Variants in RYR3 observed in about 807,000 individuals in gnomAD.
The protein encoded by RYR3 is brain ryanodine receptor-calcium release channel.
Under a neutral mutation model 584.3 loss-of-function variants are expected in RYR3, and 207 were observed. The observed-to-expected ratio is 0.35, with a 90% CI of 0.32 to 0.40. The LOEUF is 0.40. RYR3 is among the 10% of genes least tolerant of loss of function. RYR3 has a pLI of 1.00. For missense variants in RYR3, 5,616 were observed against 6,089.2 expected, an observed-to-expected ratio of 0.92 and a Z score of 2.59; for synonymous variants, 2,416 against 2,248.5, an observed-to-expected ratio of 1.07 and a Z score of -2.11.
chr15:33,645,107 A>C (rs769710720), intron 28 of RYR3, among the ~76,000 whole-genome samples: 2 of 152,198 alleles, frequency 1.3e-5, no homozygotes, highest in Non-Finnish European at 2.9e-5. Flanking sequence ...CCCACTCATG[A>C]CTTGATGTCT....
chr15:33,646,605 C>A, intron 29 of RYR3, 79 bp downstream of exon 29: 1 of 1,306,754 alleles, frequency 7.7e-7, no homozygotes, highest in Non-Finnish European at 1.1e-6. Flanking sequence ...TACCCTAACT[C>A]AGCATAGGAA....
intron 99 of RYR3, chr15:33,859,179 GTGGA>G (rs796843190): frequency 4.1e-5 from 7 of 168,782 alleles, no homozygotes; most frequent in African/African-American, 1.7e-4. Flanking sequence ...TAAGGGGAAT[GTGGA>G]TGAAGAAGAG....
chr15:33,609,350 G>T (rs762362792), intron 18 of RYR3, among the ~76,000 whole-genome samples: 1 of 152,144 alleles, frequency 6.6e-6, no homozygotes, highest in Non-Finnish European at 1.5e-5. Context: ...GGGAGGATCA[G>T]TTGAGGCCAG....
chr15:33,584,328 TTTCCAAG>T (rs2058736552), intron 14 of RYR3, 60 bp from the exon 15 acceptor site: 1 of 819,056 alleles, frequency 1.2e-6, no homozygotes, highest in African/African-American at 1.7e-5. Context: ...ATTCGACAGC[TTTCCAAG>T]TTCTCACGCC....
intron 38 of RYR3, among the ~76,000 whole-genome samples, chr15:33,695,872 A>G (rs984425486): frequency 6.8e-6 from 1 of 147,396 alleles, no homozygotes; most frequent in African/African-American, 2.5e-5. Context: ...CGCACCCTCA[A>G]CCTCCAAGGC....
intron 42 of RYR3, among the ~76,000 whole-genome samples, chr15:33,705,104 T>G (rs1035192974): frequency 1.1e-4 from 3 of 28,374 alleles, no homozygotes; most frequent in Non-Finnish European, 1.9e-4. Context: ...ACACTCTTTC[T>G]CTCTCTCTCT....
chr15:33,708,864 A>C (rs2066901866), intron 43 of RYR3, among the ~76,000 whole-genome samples: 1 of 152,102 alleles, frequency 6.6e-6, no homozygotes, highest in Admixed American at 6.5e-5. Context: ...TCGTTCCCCT[A>C]TTGGCTAGGG....
At chr15:33,837,088 C>A in intron 88 of RYR3, 101 bp downstream of exon 88, 1 of 967,314 alleles carries the variant, frequency 1.0e-6, no homozygotes, top group Non-Finnish European at 1.6e-6. Flanking sequence ...GTCACTGATG[C>A]CATATGACAT....
chr15:33,864,100 T>A (rs762080268), intron 102 of RYR3, 38 bp from the exon 103 acceptor site: 4 of 1,529,570 alleles, frequency 2.6e-6, no homozygotes, highest in Non-Finnish European at 3.6e-6. Flanking sequence ...ACTTGGGTCT[T>A]GACCAGAGTA....
chr15:33,596,075 C>CAAAAA (rs56312785), intron 16 of RYR3, among the ~76,000 whole-genome samples: 1 of 146,636 alleles, frequency 6.8e-6, no homozygotes, highest in Non-Finnish European at 1.5e-5. Context: ...TTTTTCACCT[C>CAAAAA]AAAAAAAAAA....
intron 65 of RYR3, among the ~76,000 whole-genome samples, chr15:33,783,244 G>C (rs891326505): frequency 3.3e-5 from 5 of 152,190 alleles, no homozygotes; most frequent in Non-Finnish European, 7.3e-5. Flanking sequence ...TTTTCAGCCG[G>C]TCTCCAGGTG....
chr15:33,738,405 TTCTC>T, intron 49 of RYR3, 41 bp from the exon 50 acceptor site: 1 of 1,571,336 alleles, frequency 6.4e-7, no homozygotes, highest in Non-Finnish European at 8.6e-7. Context: ...CCTGTGGACT[TTCTC>T]TATGCCACCC....
chr15:33,435,146 T>G (rs539897273), intron 1 of RYR3, among the ~76,000 whole-genome samples: 6 of 151,084 alleles, frequency 4.0e-5, no homozygotes, highest in African/African-American at 1.2e-4. Flanking sequence ...CAGGGGTACA[T>G]GTGCAGGTTT....
chr15:33,323,189 G>T (rs184819842), intron 1 of RYR3, among the ~76,000 whole-genome samples: 2,000 of 152,152 alleles, frequency 0.013, 43 homozygotes, highest in African/African-American at 0.046. Context: ...TCTGCTCACT[G>T]CAAGCTCCGC....
At chr15:33,683,054 G>C (rs1322086499) in intron 38 of RYR3, among the ~76,000 whole-genome samples, 1 of 151,726 alleles carries the variant, frequency 6.6e-6, no homozygotes, top group Non-Finnish European at 1.5e-5. Context: ...GAGTGCAGTG[G>C]CGCGATCTTG....
chr15:33,855,203 TC>T (rs1400135805), intron 98 of RYR3, among the ~76,000 whole-genome samples: 2 of 147,156 alleles, frequency 1.4e-5, no homozygotes, highest in Non-Finnish European at 3.0e-5. Flanking sequence ...ACCTTGGAGA[TC>T]TTTTTTTTTT....
chr15:33,630,126 C>G (rs2061193372), intron 22 of RYR3, 83 bp downstream of exon 22: 4 of 735,300 alleles, frequency 5.4e-6, no homozygotes, highest in Non-Finnish European at 6.7e-6. Context: ...AGATATGTCT[C>G]TTGCCTGAAA....
At chr15:33,361,280 G>A (rs1974733935) in intron 1 of RYR3, among the ~76,000 whole-genome samples, 1 of 152,182 alleles carries the variant, frequency 6.6e-6, no homozygotes, top group Non-Finnish European at 1.5e-5. Context: ...AACACATGAT[G>A]CAGAATTATT....
At chr15:33,505,775 A>AG (rs1596404168) in intron 3 of RYR3, among the ~76,000 whole-genome samples, 1 of 152,260 alleles carries the variant, frequency 6.6e-6, no homozygotes. Flanking sequence ...TACAAGTGTG[A>AG]GCCACCACGC....
Sources: gnomAD v4.1 joint callset for allele counts (sites outside exome capture counted in the v4.1 genomes callset) on GRCh38, gnomAD v4.1.1 for gene constraint, MANE v1.5 for transcripts, NCBI Gene and HGNC (gene_info 2026-07-23, HGNC 2026-07-21) for gene names.